MYOM2: variants seen among roughly 807,000 people sequenced by gnomAD.
MYOM2 encodes myomesin 2, also known as myomesin-2.
A neutral mutation model predicts 187.6 loss-of-function variants in MYOM2; 254 were observed. That is an observed-to-expected ratio of 1.35 (90% confidence interval 1.22 to 1.50). The LOEUF is 1.50. Ranked by LOEUF, MYOM2 falls within the 40% of genes most tolerant of loss-of-function variation. MYOM2 has a pLI of 0.00. For synonymous variants in MYOM2, 981 were observed against 753.8 expected, an observed-to-expected ratio of 1.30 and a Z score of -4.94; for missense variants, 2,796 against 1,924.0, an observed-to-expected ratio of 1.45 and a Z score of -8.48.
At chr8:2,134,716 A>T (rs909283030) in intron 32 of MYOM2, among the ~76,000 whole-genome samples, 1 of 152,086 alleles carries the variant, frequency 6.6e-6, no homozygotes, top group Non-Finnish European at 1.5e-5. Flanking sequence ...ACTTTGCTCA[A>T]ATTGTTCCAG....
chr8:2,094,914 C>T (rs1045221714), intron 17 of MYOM2, among the ~76,000 whole-genome samples: 7 of 152,138 alleles, frequency 4.6e-5, no homozygotes, highest in African/African-American at 1.7e-4. Context: ...TGTGCTGCAG[C>T]CTCGTGGCTT....
Position 2,117,055 on chromosome 8 carries a change from G to A in MYOM2, c.3385+780G>A, listed in dbSNP as rs376542417. Reference sequence around the variant, plus strand: ...TGGGATTACAGGGGTGATCCACTGCGCCCAGCCTCAAAAAACATTTTTATA... The same window carrying A: ...TGGGATTACAGGGGTGATCCACTGCACCCAGCCTCAAAAAACATTTTTATA... On this transcript the variant is annotated intron_variant, in intron 27 of 36. Coordinates refer to ENST00000262113, the MANE Select transcript of MYOM2 (RefSeq NM_003970.4). Among the ~76,000 whole-genome samples the A allele has an allele frequency of 1.7e-4, 26 of 152,268 alleles. No individual in the cohort carries two copies. In the East Asian group the frequency reaches 2.3e-3, roughly 14 times the overall value.
chr8:2,116,858 C>T (rs7012346), intron 27 of MYOM2, among the ~76,000 whole-genome samples: 18,009 of 152,130 alleles, frequency 0.12, 1,385 homozygotes, highest in Non-Finnish European at 0.18. Context: ...CCCGGGTTCA[C>T]GCCGTTCTCC....
chr8:2,115,981 A>G lies in MYOM2; in HGVS notation c.3202A>G (p.Lys1068Glu), dbSNP rs1797228666. The change falls in exon 26 of 37, where the codon AAA becomes GAA. Residue 1068 changes from lysine (K) to glutamate (E), a missense_variant. Transcript: ENST00000262113. ...DSEIHRIKCDKATGIIEMVMD... is the reference protein window; with the variant it reads ...DSEIHRIKCDEATGIIEMVMD... ...GCAGATACACAGAATTAAATGTGAC[A>G]AAGCTACTGGCATTATTGAGATGGT... The G allele has an allele frequency of 1.2e-6, 2 of 1,613,962 alleles. No homozygotes were observed. The highest frequency in any genetic ancestry group is 4.5e-5 in the East Asian group (2 of 44,862).
At chr8:2,129,373 A>C in intron 32 of MYOM2, 141 bp downstream of exon 32, 1 of 550,294 alleles carries the variant, frequency 1.8e-6, no homozygotes, top group Non-Finnish European at 3.3e-6. Context: ...AATGATGACA[A>C]CCTTTAGCTC....
intron 28 of MYOM2, among the ~76,000 whole-genome samples, chr8:2,122,331 C>T (rs1422157390): frequency 6.6e-6 from 1 of 152,180 alleles, no homozygotes; most frequent in East Asian, 1.9e-4. Flanking sequence ...ATGTATTCCA[C>T]AAACATTGAT....
At chr8:2,129,738 A>C (rs1166902796) in intron 32 of MYOM2, among the ~76,000 whole-genome samples, 1 of 152,182 alleles carries the variant, frequency 6.6e-6, no homozygotes, top group African/African-American at 2.4e-5. Context: ...CACTGAGAAA[A>C]CTACCAGAGA....
At chr8:2,089,575 A>G (rs1488804198) in intron 14 of MYOM2, among the ~76,000 whole-genome samples, 1 of 152,226 alleles carries the variant, frequency 6.6e-6, no homozygotes, top group African/African-American at 2.4e-5. Flanking sequence ...GATTGCTGTC[A>G]TTTAATCACT....
At chr8:2,117,798 T>C (rs1797297604) in intron 27 of MYOM2, 87 bp from the exon 28 acceptor site, 3 of 802,942 alleles carry the variant, frequency 3.7e-6, no homozygotes, top group Admixed American at 2.7e-5. Flanking sequence ...CATGCATATA[T>C]GTGTGGGTAT....
At chr8:2,114,383 C>T (rs1051494380) in intron 25 of MYOM2, among the ~76,000 whole-genome samples, 5 of 152,208 alleles carry the variant, frequency 3.3e-5, no homozygotes, top group African/African-American at 9.7e-5. Flanking sequence ...CCTATCTTAG[C>T]AACAAGACAG....
chr8:2,073,952 C>T (rs984533695), intron 10 of MYOM2, among the ~76,000 whole-genome samples: 9 of 152,116 alleles, frequency 5.9e-5, no homozygotes, highest in Non-Finnish European at 1.5e-5. Context: ...TGATGACAGC[C>T]AGTGCTGTGA....
intron 6 of MYOM2, among the ~76,000 whole-genome samples, chr8:2,064,600 A>T (rs1818955054): frequency 6.6e-6 from 1 of 152,208 alleles, no homozygotes; most frequent in Non-Finnish European, 1.5e-5. Flanking sequence ...GCCTCTGAGC[A>T]CCAAGTGCTA....
chr8:2,086,224 T>TCATGATCTCTGC (rs1796037357), intron 14 of MYOM2, among the ~76,000 whole-genome samples: 3 of 8,576 alleles, frequency 3.5e-4, no homozygotes, highest in East Asian at 7.0e-3. Context: ...ATGATCTCTT[T>TCATGATCTCTGC]GTGGCCCCCC....
At chr8:2,088,225 C>G (rs777919657) in intron 14 of MYOM2, among the ~76,000 whole-genome samples, 5 of 152,096 alleles carry the variant, frequency 3.3e-5, no homozygotes, top group Non-Finnish European at 7.4e-5. Flanking sequence ...CCCCCAAGTC[C>G]CCAGAGTCTA....
chr8:2,058,488 C>T (rs927887439), intron 5 of MYOM2, among the ~76,000 whole-genome samples: 15 of 152,312 alleles, frequency 9.8e-5, no homozygotes, highest in Middle Eastern at 3.4e-3. Flanking sequence ...TGCAGATCTG[C>T]AGTTAATGAA....
intron 8 of MYOM2, 99 bp from the exon 9 acceptor site, chr8:2,072,246 C>CCGCCCCA (rs1819250313): frequency 1.3e-5 from 5 of 394,170 alleles, no homozygotes; most frequent in African/African-American, 4.6e-5. Flanking sequence ...CCCCCGCCCC[C>CCGCCCCA]AAAAAAGAAA....
intron 3 of MYOM2, among the ~76,000 whole-genome samples, chr8:2,052,528 C>G (rs928676050): frequency 6.6e-6 from 1 of 152,200 alleles, no homozygotes; most frequent in South Asian, 2.1e-4. Context: ...AACTACTGGG[C>G]ACCAGCTTCC....
At chr8:2,133,144 A>G (rs1178418518) in intron 32 of MYOM2, among the ~76,000 whole-genome samples, 8 of 147,004 alleles carry the variant, frequency 5.4e-5, no homozygotes, top group African/African-American at 2.7e-5. Context: ...GATGTTCACT[A>G]TTTAGACAGC....
intron 31 of MYOM2, chr8:2,127,585 G>A (rs1008375952): frequency 6.1e-6 from 1 of 163,684 alleles, no homozygotes; most frequent in African/African-American, 2.4e-5. Flanking sequence ...GTACCTCGGC[G>A]TGACGCGGTG....
Sources: gnomAD v4.1 joint callset for allele counts (sites outside exome capture counted in the v4.1 genomes callset) on GRCh38, gnomAD v4.1.1 for gene constraint, MANE v1.5 for transcripts, NCBI Gene and HGNC (gene_info 2026-07-23, HGNC 2026-07-21) for gene names.